Variants in CELSR2 observed in about 807,000 individuals in gnomAD.
The protein encoded by CELSR2 is EGF-like protein 2.
In CELSR2, 81 loss-of-function variants were observed where a neutral mutation model predicts 251.6. The observed-to-expected ratio is 0.32, with a 90% CI of 0.27 to 0.39. The LOEUF is 0.39. Among genes scored for constraint, CELSR2 ranks in the 10% least tolerant of loss-of-function variants. CELSR2 has a pLI of 1.00. For synonymous variants in CELSR2, 1,721 were observed against 1,670.5 expected, an observed-to-expected ratio of 1.03 and a Z score of -0.74; for missense variants, 3,365 against 3,947.7, an observed-to-expected ratio of 0.85 and a Z score of 3.96.
chr1:109,266,039 T>C (rs1656177606), intron 14 of CELSR2, 66 bp from the exon 15 acceptor site: 3 of 1,596,442 alleles, frequency 1.9e-6, no homozygotes, highest in Non-Finnish European at 2.6e-6. Flanking sequence ...TAGGGAGGGC[T>C]GGGGAGCCTG....
chr1:109,268,232 A>G (rs1042817493), intron 17 of CELSR2, among the ~76,000 whole-genome samples, 172 bp downstream of exon 17: 1 of 151,886 alleles, frequency 6.6e-6, no homozygotes, highest in African/African-American at 2.4e-5. Context: ...CCTCTTCCCA[A>G]CCCTTCTCAT....
intron 1 of CELSR2, among the ~76,000 whole-genome samples, chr1:109,257,223 A>G (rs1655873478): frequency 6.6e-6 from 1 of 152,008 alleles, no homozygotes; most frequent in South Asian, 2.1e-4. Context: ...CATAGTTGTG[A>G]GCACCTGTGG....
At chr1:109,265,583 C>A in intron 13 of CELSR2, 152 bp from the exon 14 acceptor site, 1 of 981,440 alleles carries the variant, frequency 1.0e-6, no homozygotes, top group African/African-American at 1.6e-5. Context: ...GGGCTCAACT[C>A]CAAAGCATTG....
At chr1:109,272,180 AG>A in intron 28 of CELSR2, 97 bp from the exon 29 acceptor site, 1 of 1,423,774 alleles carries the variant, frequency 7.0e-7, no homozygotes, top group Non-Finnish European at 9.5e-7. Flanking sequence ...AGCATGTGGA[AG>A]GTGGAACTTA....
chr1:109,261,186 C>T lies in CELSR2; in HGVS notation c.4103C>T (p.Thr1368Ile), dbSNP rs1656010535. Residue 1368 changes from threonine (T) to isoleucine (I), a missense_variant, in exon 3 of 34, where the codon ACC becomes ATC. Transcript: ENST00000271332. This position sits in a 1 kb window ranked among gnomAD's most constrained non-coding sequence, Gnocchi z 4.8. ...TTCGAGAAGCCCTACTGCCAGGTGA[C>T]CACGCGCAGCTTCCCCGCCCACTCC... Reference protein sequence around the residue: ...GDFEKPYCQVTTRSFPAHSFI... With the variant: ...GDFEKPYCQVITRSFPAHSFI... The T allele has an allele frequency of 3.7e-6, 6 of 1,614,032 alleles. No homozygotes were observed. The highest frequency in any genetic ancestry group is 5.1e-6 in the Non-Finnish European group (6 of 1,180,034).
chr1:109,258,396 C>G, intron 1 of CELSR2, 36 bp from the exon 2 acceptor site: 1 of 1,480,132 alleles, frequency 6.8e-7, no homozygotes, highest in South Asian at 1.4e-5. Flanking sequence ...TGAATTGCAG[C>G]CCCAGGCTGG....
chr1:109,267,826 T>G, intron 16 of CELSR2, 25 bp from the exon 17 acceptor site: 1 of 1,590,802 alleles, frequency 6.3e-7, no homozygotes, highest in Middle Eastern at 1.7e-4. Flanking sequence ...CCCTCACTCC[T>G]GCTCCTCCGC....
Position 109,261,708 on chromosome 1 carries a change from C to CG in CELSR2, c.4297+80_4297+81insG, listed in dbSNP as rs1656025858. 4 of 1,549,132 alleles carry CG rather than the reference C, an allele frequency of 2.6e-6. No homozygotes were observed. In the East Asian group the frequency reaches 9.1e-5, roughly 35 times the overall value. On this transcript the variant is annotated intron_variant, in intron 4 of 33. Transcript: ENST00000271332. This position sits in a 1 kb window ranked among gnomAD's most constrained non-coding sequence, Gnocchi z 4.8. ...AGCCCCTGACCCCAAGCCACATACT[C>CG]TATCAGCCAAATCTGGGCCCAGCCC...
chr1:109,265,061 C>G, intron 12 of CELSR2, 52 bp downstream of exon 12: 2 of 1,611,350 alleles, frequency 1.2e-6, no homozygotes, highest in African/African-American at 1.3e-5. Flanking sequence ...CTGCTTCTCT[C>G]TGGTGTGTCC....
chr1:109,272,481 G>T (rs1656400271), intron 29 of CELSR2, 76 bp downstream of exon 29: 3 of 1,552,100 alleles, frequency 1.9e-6, no homozygotes, highest in Non-Finnish European at 2.6e-6. Flanking sequence ...GCCAGCTGTT[G>T]GGAGTTGAGG....
chr1:109,256,461 C>T (rs537710150), intron 1 of CELSR2, among the ~76,000 whole-genome samples: 123 of 152,258 alleles, frequency 8.1e-4, no homozygotes, highest in Non-Finnish European at 1.5e-3. Context: ...TCAGCCTTCC[C>T]GGCTTCAGCT....
intron 26 of CELSR2, 30 bp downstream of exon 26, chr1:109,271,326 T>TG (rs1656365927): frequency 6.2e-7 from 1 of 1,613,564 alleles, no homozygotes; most frequent in Non-Finnish European, 8.5e-7. Context: ...GCCTGGGCCA[T>TG]GGGCAGGCAC....
Position 109,251,639 on chromosome 1 carries a change from A to G in CELSR2, c.1560A>G (p.Leu520=). 6.2e-7 allele frequency: 1 copy of G among 1,613,780 alleles called. No individual in the cohort carries two copies. The highest frequency in any genetic ancestry group is 8.5e-7 in the Non-Finnish European group (1 of 1,179,862). The change falls in exon 1 of 34, where the codon TTA becomes TTG. Residue 520 remains leucine, a synonymous_variant. Transcript: ENST00000271332. This position sits in a 1 kb window ranked among gnomAD's most constrained non-coding sequence, Gnocchi z 4.9. ...CTACTGTCCTGGAGAGTGTCCCCTT[A>G]GGCTACCTGGTTCTCCATGTCCAGG... ...FQATVLESVP[L]GYLVLHVQAI...
chr1:109,264,970 A>G lies in CELSR2; in HGVS notation c.5567A>G (p.Glu1856Gly). Reference protein sequence around the residue: ...KPSAPHGYTCECPPNYLGPYC... With the variant: ...KPSAPHGYTCGCPPNYLGPYC... Reference sequence around the variant, plus strand: ...AGTGCCCCCCATGGCTATACCTGCGAGTGTCCCCCAAATTACCTTGGGCCA... The same window carrying G: ...AGTGCCCCCCATGGCTATACCTGCGGGTGTCCCCCAAATTACCTTGGGCCA... The change falls in exon 12 of 34, where the codon GAG (glutamate) becomes GGG (glycine). Residue 1856 changes from glutamate (E) to glycine (G), a missense_variant. This residue lies in a region of CELSR2 where 2,093 missense variants were observed against 2,382.8 expected (regional missense o/e 0.88). Coordinates refer to ENST00000271332, the MANE Select transcript of CELSR2 (RefSeq NM_001408.3). The G allele has an allele frequency of 6.2e-7, 1 of 1,614,172 alleles. No homozygotes were observed. Among genetic ancestry groups the G allele is most frequent in the South Asian group, 1.1e-5 (1 of 91,086 alleles).
rs200641798 is a variant in CELSR2, at chr1:109,267,514, C to T, written c.6014-34C>T. ...GTCTCAGGGGCTTCCTGTGTGTCTCCCTGAGGCCGGCCCTTTTGGCTTCCT... is the reference window on the plus strand; with the variant it reads ...GTCTCAGGGGCTTCCTGTGTGTCTCTCTGAGGCCGGCCCTTTTGGCTTCCT... On this transcript the variant is annotated intron_variant, in intron 15 of 33. Transcript: ENST00000271332. 702 of 1,602,812 alleles carry T rather than the reference C, an allele frequency of 4.4e-4. 4 individuals carry two copies. In the African/African-American group the frequency reaches 7.7e-3, roughly 18 times the overall value.
chr1:109,258,873 C>T lies in CELSR2; in HGVS notation c.3752C>T (p.Ser1251Phe), dbSNP rs1345897746. The T allele has an allele frequency of 1.2e-6, 2 of 1,612,394 alleles. No homozygotes were observed. Among genetic ancestry groups the T allele is most frequent in the Non-Finnish European group, 1.7e-6 (2 of 1,179,380 alleles). The change falls in exon 2 of 34, where the codon TCC becomes TTC. Residue 1251 changes from serine to phenylalanine, a missense_variant. Physicochemically the swap from Ser to Phe is radical, Grantham distance 155. Coordinates refer to ENST00000271332, the MANE Select transcript of CELSR2 (RefSeq NM_001408.3). ...TGCGTGTCGGTGCTGCGCTTCGACT[C>T]CTCCGCGCCCTTCATCGCCTCCTCC... ...MRCVSVLRFD[S>F]SAPFIASSSV...
rs553134785 is a variant in CELSR2, at chr1:109,269,879, G to A, written c.7108-54G>A. 1.2e-6 allele frequency: 2 copies of A among 1,613,516 alleles called. No homozygotes were observed. Among genetic ancestry groups the A allele is most frequent in the African/African-American group, 2.7e-5 (2 of 74,890 alleles). The stretch of plus-strand genomic sequence containing the variant: ...GTGGGCACCCAGGGCACGGGGCTGG[G>A]TGCTCAGGTCCTGCCCTTCCTAATT... On this transcript the variant is annotated intron_variant, in intron 22 of 33. Coordinates refer to ENST00000271332, the MANE Select transcript of CELSR2 (RefSeq NM_001408.3). This position sits in a 1 kb window ranked among gnomAD's most constrained non-coding sequence, Gnocchi z 6.4.
chr1:109,261,392 C>T lies in CELSR2; in HGVS notation c.4182-121C>T, dbSNP rs1656017822. On this transcript the variant is annotated intron_variant, in intron 3 of 33. Coordinates refer to ENST00000271332, the MANE Select transcript of CELSR2 (RefSeq NM_001408.3). The surrounding 1 kb of genome is among the most constrained non-coding windows in gnomAD (Gnocchi z 4.8). ...CAGGCTGCCGGCAGAGCCAGGTCTG[C>T]TCTTGGAGTTGCCTGTGGTTCTGCC... 1 of 1,342,970 alleles carries T rather than the reference C, an allele frequency of 7.4e-7. No homozygotes were observed. The highest frequency in any genetic ancestry group is 2.3e-5 in the East Asian group (1 of 43,478). The allele number at this position is 1,342,970 out of a possible 1,614,324, so 83.2% of individuals were successfully genotyped here.
chr1:109,250,435 T>C lies in CELSR2; in HGVS notation c.356T>C (p.Ile119Thr). The C allele has an allele frequency of 6.2e-7, 1 of 1,613,660 alleles. No individual in the cohort carries two copies. Among genetic ancestry groups the C allele is most frequent in the Non-Finnish European group, 8.5e-7 (1 of 1,180,004 alleles). Residue 119 changes from isoleucine to threonine, a missense_variant, in exon 1 of 34, where the codon ATT becomes ACT. Around this residue, in one of 5 missense-constraint regions of CELSR2, gnomAD observed 704 missense variants for 784.1 expected, o/e 0.90. Transcript: ENST00000271332. The surrounding 1 kb of genome is among the most constrained non-coding windows in gnomAD (Gnocchi z 4.4). ...GCPWSCRLLG[I>T]GGHLSPQGKL... ...CCCTGGAGCTGTCGCCTCCTGGGCA[T>C]TGGAGGCCACCTTTCCCCACAGGGC...
Sources: gnomAD v4.1 joint callset for allele counts (sites outside exome capture counted in the v4.1 genomes callset) on GRCh38, gnomAD v4.1.1 for gene constraint, gnomAD v4.1.1 regional missense constraint, Gnocchi (gnomAD v3.1) non-coding constraint, MANE v1.5 for transcripts, NCBI Gene and HGNC (gene_info 2026-07-23, HGNC 2026-07-21) for gene names.